The following FAM185A variants were observed in gnomAD, a reference collection of about 807,000 sequenced individuals.
The protein encoded by FAM185A is family with sequence similarity 185 member A.
Under a neutral mutation model 45.7 loss-of-function variants are expected in FAM185A, and 21 were observed. The observed-to-expected ratio is 0.46, with a 90% CI of 0.33 to 0.66. The LOEUF (loss-of-function observed/expected upper bound fraction) is 0.66. Among genes scored for constraint, FAM185A ranks in the 30% least tolerant of loss-of-function variants. The probability of loss-of-function intolerance (pLI) is 0.03; values close to 1 mark genes in which losing one functional copy is unlikely to be tolerated. For synonymous variants in FAM185A, 117 were observed against 194.0 expected (o/e 0.60, Z 3.30); for missense variants, 305 against 485.4 (o/e 0.63, Z 3.49).
intron 2 of FAM185A, among the ~76,000 whole-genome samples, chr7:102,752,750 A>T (rs529387245): frequency 0.023 from 3,336 of 145,152 alleles, 107 homozygotes; most frequent in African/African-American, 0.082. Context: ...TAAAGATTAG[A>T]CTGGTGTTAG....
chr7:102,826,852 TATATTTCCAAG>T, the FAM185A span, among the ~76,000 whole-genome samples: 2 of 145,126 alleles, frequency 1.4e-5, no homozygotes, highest in African/African-American at 2.5e-5. Context: ...ATATAATATA[TATATTTCCAAG>T]AGAGGGAGAG....
chr7:102,842,245 G>A, the FAM185A span, among the ~76,000 whole-genome samples: 2 of 152,164 alleles, frequency 1.3e-5, no homozygotes, highest in South Asian at 2.1e-4. Context: ...CTTCTGTTGC[G>A]AACCATAAAC....
chr7:102,835,257 A>G, the FAM185A span, among the ~76,000 whole-genome samples: 1 of 152,206 alleles, frequency 6.6e-6, no homozygotes, highest in African/African-American at 2.4e-5. Flanking sequence ...CGTGATGGCA[A>G]AAATTAGAAG....
At chr7:102,819,171 C>G in the FAM185A span, among the ~76,000 whole-genome samples, 8 of 152,158 alleles carry the variant, frequency 5.3e-5, no homozygotes, top group African/African-American at 1.9e-4. Context: ...CTTTCTTCCT[C>G]TCTCTCACTC....
At chr7:102,823,573 G>C in the FAM185A span, among the ~76,000 whole-genome samples, 1 of 152,182 alleles carries the variant, frequency 6.6e-6, no homozygotes, top group African/African-American at 2.4e-5. Flanking sequence ...ATACTACTTA[G>C]AGTATTTCAC....
At chr7:102,833,497 ATCTGAGCTCACTGCAACC>A in the FAM185A span, among the ~76,000 whole-genome samples, 1 of 149,650 alleles carries the variant, frequency 6.7e-6, no homozygotes, top group Non-Finnish European at 1.5e-5. Context: ...CAATGGTGCA[ATCTGAGCTCACTGCAACC>A]TCTGTCTGCC....
At chr7:102,800,847 T>C (rs995038653) in intron 7 of FAM185A, among the ~76,000 whole-genome samples, 2 of 152,192 alleles carry the variant, frequency 1.3e-5, no homozygotes, top group African/African-American at 2.4e-5. Flanking sequence ...CTGGCCTTGC[T>C]AGAGACCTAG....
intron 7 of FAM185A, among the ~76,000 whole-genome samples, chr7:102,792,778 C>T (rs1235475211): frequency 1.3e-5 from 2 of 148,658 alleles, no homozygotes; most frequent in African/African-American, 2.5e-5. Context: ...AAAAATAAAC[C>T]ACCAAGTCAG....
intron 7 of FAM185A, among the ~76,000 whole-genome samples, chr7:102,796,855 A>C (rs1346888479): frequency 6.6e-6 from 1 of 152,192 alleles, no homozygotes; most frequent in Non-Finnish European, 1.5e-5. Context: ...AAGAAGACCA[A>C]AATTGAATTT....
At chr7:102,762,339 G>A (rs111922990) in intron 4 of FAM185A, among the ~76,000 whole-genome samples, 12,974 of 152,184 alleles carry the variant, frequency 0.085, 799 homozygotes, top group East Asian at 0.2. Context: ...GCATGCTGGT[G>A]TTCAGTGTCA....
the FAM185A span, among the ~76,000 whole-genome samples, chr7:102,840,853 T>C: frequency 6.6e-6 from 1 of 152,130 alleles, no homozygotes; most frequent in East Asian, 1.9e-4. Context: ...CATAGGCCTA[T>C]TAGAAGATTA....
At chr7:102,769,370 C>G (rs1794606106) in intron 4 of FAM185A, among the ~76,000 whole-genome samples, 2 of 151,778 alleles carry the variant, frequency 1.3e-5, no homozygotes, top group Admixed American at 6.6e-5. Flanking sequence ...ATTGTTTTCT[C>G]AAGACCTCCT....
rs1292001464 is a variant in FAM185A at position 102,808,811 on chromosome 7, C to A, written c.*409C>A. 1.1e-5 allele frequency: 2 copies of A among 175,980 alleles called. No individual in the cohort carries two copies. Among genetic ancestry groups the A allele is most frequent in the African/African-American group, 4.8e-5 (2 of 41,890 alleles). The allele number at this position is 175,980 out of a possible 1,614,324, so 10.9% of individuals were successfully genotyped here. ...AGGTCTCCATTTTCTTGCTGGCTGTCAGCCAGCAATCACTCTAAGCTTCTA... is the reference window on the plus strand; with the variant it reads ...AGGTCTCCATTTTCTTGCTGGCTGTAAGCCAGCAATCACTCTAAGCTTCTA... On this transcript the variant is annotated 3_prime_UTR_variant, in exon 8 of 8. Transcript: ENST00000413034.
At position 102,808,437 on chromosome 7, in the gene FAM185A, T is replaced by C. The variant is rs1289608776; in HGVS notation, c.*35T>C. 2 of 1,241,394 alleles carry C rather than the reference T, an allele frequency of 1.6e-6. No homozygotes were observed. Among genetic ancestry groups the C allele is most frequent in the Non-Finnish European group, 2.3e-6 (2 of 865,386 alleles). The allele number at this position is 1,241,394 out of a possible 1,614,324, so 76.9% of individuals were successfully genotyped here. A position where few individuals can be genotyped will look rare whatever the true frequency, so the allele number is the denominator to read the frequency against. ...GAGTTGGATTTATGATTTTTAACAA[T>C]GATTCGCAGATCTGTGACTACAAAA... is the stretch of plus-strand genomic sequence containing the variant. On this transcript the variant is annotated 3_prime_UTR_variant, in exon 8 of 8. Coordinates refer to ENST00000413034, the MANE Select transcript of FAM185A (RefSeq NM_001145268.2).
At chr7:102,793,760 C>T (rs1489021156) in intron 7 of FAM185A, among the ~76,000 whole-genome samples, 5 of 151,446 alleles carry the variant, frequency 3.3e-5, no homozygotes, top group Admixed American at 6.6e-5. Flanking sequence ...AAAGCCCGGC[C>T]GGGCACGGTC....
At chr7:102,756,072 T>G in intron 2 of FAM185A, 1 of 256,060 alleles carries the variant, frequency 3.9e-6, no homozygotes, top group Non-Finnish European at 7.6e-6. Context: ...TAATTTGACT[T>G]CAGACTCATG....
At chr7:102,793,396 G>C (rs1055579810) in intron 7 of FAM185A, among the ~76,000 whole-genome samples, 1 of 152,048 alleles carries the variant, frequency 6.6e-6, no homozygotes, top group African/African-American at 2.4e-5. Flanking sequence ...ATTTTTAGTA[G>C]AGACAGGGTT....
intron 2 of FAM185A, among the ~76,000 whole-genome samples, chr7:102,756,400 G>A (rs1473241842): frequency 6.6e-6 from 1 of 152,068 alleles, no homozygotes; most frequent in African/African-American, 2.4e-5. Flanking sequence ...GCTCATGCCT[G>A]TAATCCCAGC....
chr7:102,769,263 A>G (rs529490572), intron 4 of FAM185A, among the ~76,000 whole-genome samples: 4 of 152,012 alleles, frequency 2.6e-5, no homozygotes, highest in African/African-American at 9.6e-5. Flanking sequence ...CAAACATTCA[A>G]GAAGAATGTT....
Sources: allele counts gnomAD v4.1 joint callset (sites outside exome capture counted in the v4.1 genomes callset), GRCh38; gene constraint gnomAD v4.1.1; transcripts MANE v1.5; gene names NCBI Gene and HGNC (gene_info 2026-07-23, HGNC 2026-07-21).